KCNJ4: variants seen among roughly 807,000 people sequenced by gnomAD.
KCNJ4 encodes inward rectifier potassium channel 4.
Under a neutral mutation model 25.6 loss-of-function variants are expected in KCNJ4, and 3 were observed. The ratio of observed to expected loss-of-function variants is 0.12; its 90% CI spans 0.05 to 0.30. The LOEUF (loss-of-function observed/expected upper bound fraction) is 0.30. Among genes scored for constraint, KCNJ4 ranks in the 10% least tolerant of loss-of-function variants. KCNJ4 has a pLI of 1.00. For missense variants in KCNJ4, 286 were observed against 666.8 expected (o/e 0.43, Z 6.29); for synonymous variants, 257 against 283.9 (o/e 0.91, Z 0.95).
intron 1 of KCNJ4, among the ~76,000 whole-genome samples, chr22:38,451,092 C>T (rs1019312577): frequency 1.3e-5 from 2 of 152,236 alleles, no homozygotes; most frequent in Non-Finnish European, 2.9e-5. Flanking sequence ...TGGGAATTTG[C>T]AAAAGCTCCT....
rs915461795 is a variant in KCNJ4 at position 38,449,600 on chromosome 22, C to A, written c.-40+5380G>T. Reference sequence around the variant, plus strand: ...GAAAGGGGGCTGCGAGCAGGTGGGGCAACGGGTGCAGAGGGAGGGGCAGGG... The same window carrying A: ...GAAAGGGGGCTGCGAGCAGGTGGGGAAACGGGTGCAGAGGGAGGGGCAGGG... On this transcript the variant is annotated intron_variant, in intron 1 of 1. Transcript: ENST00000303592. This position sits in a 1 kb window ranked among gnomAD's most constrained non-coding sequence, Gnocchi z 5.2. Among the ~76,000 whole-genome samples, 6 of 152,198 alleles carry A rather than the reference C, an allele frequency of 3.9e-5. No individual in the cohort carries two copies. The highest frequency in any genetic ancestry group is 7.4e-5 in the Non-Finnish European group (5 of 68,022).
rs527530057 is a variant in KCNJ4, at chr22:38,437,179, C to T, written c.-39-9008G>A. On this transcript the variant is annotated intron_variant, in intron 1 of 1. Transcript: ENST00000303592. The stretch of plus-strand genomic sequence containing the variant: ...CGGGCCCTCCCAACCACTTGGCCAG[C>T]GAATGTGGGGCGGGGGAGCAGGCTG... 1.1e-4 allele frequency among the ~76,000 whole-genome samples: 17 copies of T among 152,324 alleles called. 1 individual carries two copies. In the East Asian group the frequency reaches 2.3e-3, roughly 21 times the overall value.
intron 1 of KCNJ4, among the ~76,000 whole-genome samples, chr22:38,432,114 G>A (rs1425628440): frequency 6.6e-6 from 1 of 151,846 alleles, no homozygotes; most frequent in African/African-American, 2.4e-5. Flanking sequence ...AAATTAGCTG[G>A]GCATGGTGGC....
chr22:38,426,701 G>A lies in KCNJ4; in HGVS notation c.*94C>T. 1.4e-6 allele frequency: 2 copies of A among 1,444,280 alleles called. No individual in the cohort carries two copies. The highest frequency in any genetic ancestry group is 2.2e-5 in the Admixed American group (1 of 44,958). 89.5% of individuals were successfully genotyped at this position (1,444,280 alleles called of 1,614,324 possible). Reference sequence around the variant, plus strand: ...TTCCTCCAGAAGGTCCACGGAGCCAGGGTTGGCTCTGTCCTGAGTGTGGGA... The same window carrying A: ...TTCCTCCAGAAGGTCCACGGAGCCAAGGTTGGCTCTGTCCTGAGTGTGGGA... On this transcript the variant is annotated 3_prime_UTR_variant, in exon 2 of 2. Coordinates refer to ENST00000303592, the MANE Select transcript of KCNJ4 (RefSeq NM_152868.3).
Position 38,435,594 on chromosome 22 carries a change from G to C in KCNJ4, c.-39-7423C>G, listed in dbSNP as rs143327295. Among the ~76,000 whole-genome samples, 1,248 of 151,436 alleles carry C rather than the reference G, an allele frequency of 8.2e-3. 17 individuals are homozygous for C. The highest frequency in any genetic ancestry group is 0.028 in the African/African-American group (1,175 of 41,242). Reference sequence around the variant, plus strand: ...TGTAATCCTAGCTACCTGGGAGGCCGAGGAAGGAGAATCGCTTGAACCCAG... The same window carrying C: ...TGTAATCCTAGCTACCTGGGAGGCCCAGGAAGGAGAATCGCTTGAACCCAG... On this transcript the variant is annotated intron_variant, in intron 1 of 1. Coordinates refer to ENST00000303592, the MANE Select transcript of KCNJ4 (RefSeq NM_152868.3).
chr22:38,450,944 A>G (rs2089407026), intron 1 of KCNJ4, among the ~76,000 whole-genome samples: 1 of 152,078 alleles, frequency 6.6e-6, no homozygotes, highest in African/African-American at 2.4e-5. Context: ...CCCGAGAATC[A>G]GACTAGTCTG....
chr22:38,429,662 C>T (rs998975132), intron 1 of KCNJ4, among the ~76,000 whole-genome samples: 1 of 152,186 alleles, frequency 6.6e-6, no homozygotes, highest in African/African-American at 2.4e-5. Context: ...AGAGGCCCCT[C>T]ACCCCACTGG....
chr22:38,444,474 T>A (rs780594363), intron 1 of KCNJ4, among the ~76,000 whole-genome samples: 23 of 152,196 alleles, frequency 1.5e-4, no homozygotes, highest in African/African-American at 5.1e-4. Flanking sequence ...GAGGACAGGA[T>A]GTCAGAGGGC....
chr22:38,447,654 G>A (rs1157014318), intron 1 of KCNJ4, among the ~76,000 whole-genome samples: 1 of 151,994 alleles, frequency 6.6e-6, no homozygotes, highest in Non-Finnish European at 1.5e-5. Context: ...GTGTCCCAGG[G>A]GCCAACTCTG....
At chr22:38,439,964 A>C (rs2089321319) in intron 1 of KCNJ4, among the ~76,000 whole-genome samples, 1 of 149,856 alleles carries the variant, frequency 6.7e-6, no homozygotes, top group African/African-American at 2.5e-5. Context: ...GGTGGCGGGC[A>C]CCTGCAGTCC....
At chr22:38,439,244 C>A (rs899021411) in intron 1 of KCNJ4, among the ~76,000 whole-genome samples, 8 of 150,534 alleles carry the variant, frequency 5.3e-5, no homozygotes, top group Admixed American at 3.3e-4. Context: ...CCAGCCTGGC[C>A]AACATGGTGA....
rs562526279 is a variant in KCNJ4, at chr22:38,446,791, A to C, written c.-40+8189T>G. ...GCCAACATAGTGAAACCCCATCTCT[A>C]CTAAAAATACAAAAATTAACCGAGC... is the stretch of plus-strand genomic sequence containing the variant. On this transcript the variant is annotated intron_variant, in intron 1 of 1. Transcript: ENST00000303592. Among the ~76,000 whole-genome samples the C allele has an allele frequency of 1.2e-4, 18 of 152,170 alleles. No individual in the cohort carries two copies. In the South Asian group the frequency reaches 3.7e-3, roughly 32 times the overall value.
chr22:38,435,718 A>T (rs2093063598), intron 1 of KCNJ4, among the ~76,000 whole-genome samples: 1 of 151,104 alleles, frequency 6.6e-6, no homozygotes, highest in Non-Finnish European at 1.5e-5. Flanking sequence ...AAAGAAATAG[A>T]CAGAATTAAC....
intron 1 of KCNJ4, among the ~76,000 whole-genome samples, chr22:38,450,238 G>T (rs932487074): frequency 1.3e-5 from 2 of 152,120 alleles, no homozygotes; most frequent in African/African-American, 2.4e-5. Context: ...CAACCCCTAG[G>T]ATTCCCGCCT....
At position 38,427,656 on chromosome 22, in the gene KCNJ4, C is replaced by T. The variant is rs1296709855; in HGVS notation, c.477G>A (p.Val159=). Reference sequence around the variant, plus strand: ...TCATGAAGGAGTCGATGACGCAGCCCACGATGGACTGGACCACCACAGCGA... The same window carrying T: ...TCATGAAGGAGTCGATGACGCAGCCTACGATGGACTGGACCACCACAGCGA... ...AVIAVVVQSI[V]GCVIDSFMIG... is the part of the protein sequence containing the mutation. Residue 159 remains valine (V), a synonymous_variant, in exon 2 of 2, where the codon GTG becomes GTA. Transcript: ENST00000303592. The T allele has an allele frequency of 1.9e-6, 3 of 1,613,142 alleles. No homozygotes were observed. The highest frequency in any genetic ancestry group is 2.5e-6 in the Non-Finnish European group (3 of 1,179,998).
rs1025502825 is a variant in KCNJ4 at position 38,449,633 on chromosome 22, G to A, written c.-40+5347C>T. On this transcript the variant is annotated intron_variant, in intron 1 of 1. Coordinates refer to ENST00000303592, the MANE Select transcript of KCNJ4 (RefSeq NM_152868.3). This position sits in a 1 kb window ranked among gnomAD's most constrained non-coding sequence, Gnocchi z 5.2. ...GCAGAGGGAGGGGCAGGGGCCACAC[G>A]CCAGCACTCCTCCCCACCGGTTTCC... Among the ~76,000 whole-genome samples the A allele has an allele frequency of 6.6e-6, 1 of 152,188 alleles. No individual in the cohort carries two copies. The highest frequency in any genetic ancestry group is 1.5e-5 in the Non-Finnish European group (1 of 68,014).
intron 1 of KCNJ4, among the ~76,000 whole-genome samples, chr22:38,448,437 G>A (rs192908864): frequency 6.6e-6 from 1 of 152,272 alleles, no homozygotes; most frequent in Non-Finnish European, 1.5e-5. Flanking sequence ...GTCATGCGGA[G>A]CCAGTGAGGG....
Position 38,426,951 on chromosome 22 carries a change from C to T in KCNJ4, c.1182G>A (p.Ala394=), listed in dbSNP as rs145238021. 871 of 1,612,594 alleles carry T rather than the reference C, an allele frequency of 5.4e-4. 6 individuals are homozygous for T. The African/African-American group carries it at 0.01, about 19-fold the overall frequency. ...GGCCCAGGCCTGCGGCCACCGCGGC[C>T]GCCGCAGCTGCCTCCTCCTCCATCT... is the stretch of plus-strand genomic sequence containing the variant. ...EEEMEEEAAA[A]AAVAAGLGLE... is the part of the protein sequence containing the mutation. The change falls in exon 2 of 2, where the codon GCG becomes GCA. Residue 394 remains alanine, a synonymous_variant. Coordinates refer to ENST00000303592, the MANE Select transcript of KCNJ4 (RefSeq NM_152868.3).
At chr22:38,432,268 T>C (rs1451485640) in intron 1 of KCNJ4, among the ~76,000 whole-genome samples, 1 of 144,254 alleles carries the variant, frequency 6.9e-6, no homozygotes, top group Non-Finnish European at 1.5e-5. Flanking sequence ...AATAAATAAA[T>C]AAATAAATAA....
Sources: gnomAD v4.1 joint callset for allele counts (sites outside exome capture counted in the v4.1 genomes callset) on GRCh38, gnomAD v4.1.1 for gene constraint, Gnocchi (gnomAD v3.1) non-coding constraint, MANE v1.5 for transcripts, NCBI Gene and HGNC (gene_info 2026-07-23, HGNC 2026-07-21) for gene names.